ENTPD7: variants seen among roughly 807,000 people sequenced by gnomAD.
The protein encoded by ENTPD7 is NTPDase 7.
Under a neutral mutation model 77.9 loss-of-function variants are expected in ENTPD7, and 53 were observed. The ratio of observed to expected loss-of-function variants is 0.68; its 90% CI spans 0.55 to 0.85. ENTPD7 has a LOEUF of 0.85. Among genes scored for constraint, ENTPD7 ranks in the 40% least tolerant of loss-of-function variants. ENTPD7 has a pLI of 0.00. For synonymous variants in ENTPD7, 248 were observed against 274.9 expected, an observed-to-expected ratio of 0.90 and a Z score of 0.97; for missense variants, 636 against 743.7, an observed-to-expected ratio of 0.86 and a Z score of 1.68.
Position 99,679,873 on chromosome 10 carries a change from G to A in ENTPD7, c.546G>A (p.Glu182=). ...LCTAGMRLLP[E]RKQLAILADL... ...CAGCAGGCATGAGGCTTCTCCCTGA[G>A]AGGTGAGATGCAGGGTACAGGAAAC... is the stretch of plus-strand genomic sequence containing the variant. Residue 182 remains glutamate (E), a splice_region_variant and synonymous_variant, in exon 5 of 13, where the codon GAG becomes GAA. Transcript: ENST00000370489. 1 of 1,610,350 alleles carries A rather than the reference G, an allele frequency of 6.2e-7. No homozygotes were observed. Among genetic ancestry groups the A allele is most frequent in the Non-Finnish European group, 8.5e-7 (1 of 1,178,922 alleles).
Position 99,705,892 on chromosome 10 carries a change from C to G in ENTPD7, c.*1209C>G, listed in dbSNP as rs2036240539. On this transcript the variant is annotated 3_prime_UTR_variant, in exon 13 of 13. Coordinates refer to ENST00000370489, the MANE Select transcript of ENTPD7 (RefSeq NM_020354.5). ...TAATAATTACATCTTCACCCACTAC[C>G]CTTCCAGAGCTTTGCTTCTCCTCCA... The G allele has an allele frequency of 6.6e-6, 1 of 152,152 alleles. No individual in the cohort carries two copies. Among genetic ancestry groups the G allele is most frequent in the African/African-American group, 2.4e-5 (1 of 41,432 alleles). 9.4% of individuals were successfully genotyped at this position (152,152 alleles called of 1,614,324 possible).
At chr10:99,687,259 C>CTTTTTTTTTTTTTTTTTTTTTTTT (rs71009768) in intron 6 of ENTPD7, among the ~76,000 whole-genome samples, 2 of 29,522 alleles carry the variant, frequency 6.8e-5, no homozygotes, top group African/African-American at 1.4e-4. Context: ...TTCTTTCTTT[C>CTTTTTTTTTTTTTTTTTTTTTTTT]TTTTTTTTTT....
In ENTPD7 at chr10:99,704,546, G is replaced by A. The variant is rs371471210; in HGVS notation, c.1678G>A (p.Val560Met). ...CTATCTCTTCTTTGCCTGTATCCTG[G>A]TGGTGCTACTGGCCATCTTCCTATA... Reference protein sequence around the residue: ...NHYLFFACILVVLLAIFLYLL... With the variant: ...NHYLFFACILMVLLAIFLYLL... The change falls in exon 13 of 13, where the codon GTG (valine) becomes ATG (methionine). Residue 560 changes from valine to methionine, a missense_variant. This residue lies in a region of ENTPD7 where 138 missense variants were observed against 150.9 expected (regional missense o/e 0.91). Coordinates refer to ENST00000370489, the MANE Select transcript of ENTPD7 (RefSeq NM_020354.5). 4 of 1,614,030 alleles carry A rather than the reference G, an allele frequency of 2.5e-6. No individual in the cohort carries two copies. The highest frequency in any genetic ancestry group is 2.5e-6 in the Non-Finnish European group (3 of 1,180,028).
chr10:99,688,635 G>T (rs1347802590), intron 6 of ENTPD7, 59 bp from the exon 7 acceptor site: 4 of 1,528,146 alleles, frequency 2.6e-6, no homozygotes, highest in Non-Finnish European at 3.6e-6. Flanking sequence ...CTAAGGGAGA[G>T]GTGTATACAT....
intron 8 of ENTPD7, among the ~76,000 whole-genome samples, chr10:99,693,348 G>A (rs1424929343): frequency 1.3e-5 from 2 of 152,192 alleles, no homozygotes; most frequent in African/African-American, 4.8e-5. Context: ...CAGGACTGTT[G>A]GAAATGTGAG....
chr10:99,662,718 A>C lies in ENTPD7; in HGVS notation c.191+1090A>C, dbSNP rs75240139. On this transcript the variant is annotated intron_variant, in intron 3 of 12. Transcript: ENST00000370489. ...TTCGTTGGTATTCATTGATTTATTGAGGGAATTTGCAGACAGAAGCGTGGC... is the reference window on the plus strand; with the variant it reads ...TTCGTTGGTATTCATTGATTTATTGCGGGAATTTGCAGACAGAAGCGTGGC... Among the ~76,000 whole-genome samples the C allele has an allele frequency of 8.1e-3, 1,233 of 152,324 alleles. 18 individuals carry two copies. Among genetic ancestry groups the C allele is most frequent in the African/African-American group, 0.028 (1,175 of 41,572 alleles).
intron 8 of ENTPD7, among the ~76,000 whole-genome samples, chr10:99,695,494 C>G (rs953152375): frequency 6.6e-6 from 1 of 151,112 alleles, no homozygotes; most frequent in African/African-American, 2.4e-5. Context: ...TGCACTCCAG[C>G]CTGGTGACAC....
chr10:99,682,411 A>G (rs2035765052), intron 5 of ENTPD7, among the ~76,000 whole-genome samples: 2 of 152,308 alleles, frequency 1.3e-5, no homozygotes, highest in Middle Eastern at 3.4e-3. Context: ...GAAGCAGATT[A>G]TTTATATAGC....
intron 3 of ENTPD7, among the ~76,000 whole-genome samples, chr10:99,676,110 G>A (rs768807894): frequency 2.0e-5 from 3 of 151,946 alleles, no homozygotes; most frequent in East Asian, 3.9e-4. Context: ...GATTGAATAC[G>A]GAAGTAAATG....
chr10:99,665,521 ATCATTCAT>A (rs374845727), intron 3 of ENTPD7, among the ~76,000 whole-genome samples: 1 of 152,032 alleles, frequency 6.6e-6, no homozygotes, highest in Non-Finnish European at 1.5e-5. Context: ...TCATTCATTC[ATCATTCAT>A]TCATTCATTC....
At chr10:99,661,122 T>G (rs2035479778) in intron 2 of ENTPD7, among the ~76,000 whole-genome samples, 1 of 152,210 alleles carries the variant, frequency 6.6e-6, no homozygotes, top group South Asian at 2.1e-4. Context: ...TTGACAGAAT[T>G]CTTGGTTGGG....
In ENTPD7 at chr10:99,708,829, C is replaced by T. The variant is rs890602158; in HGVS notation, c.*4146C>T. The T allele has an allele frequency of 1.0e-6, 1 of 985,314 alleles. No homozygotes were observed. The highest frequency in any genetic ancestry group is 6.1e-5 in the Admixed American group (1 of 16,264). The allele number at this position is 985,314 out of a possible 1,614,324, so 61.0% of individuals were successfully genotyped here. On this transcript the variant is annotated 3_prime_UTR_variant, in exon 13 of 13. Coordinates refer to ENST00000370489, the MANE Select transcript of ENTPD7 (RefSeq NM_020354.5). ...CATAGTGACTGGCCTCCTAGCCCAA[C>T]TACTTTGTCAGCTACAATGAAATGC...
intron 12 of ENTPD7, among the ~76,000 whole-genome samples, chr10:99,702,919 C>T (rs1450017173): frequency 6.6e-6 from 1 of 152,128 alleles, no homozygotes; most frequent in Non-Finnish European, 1.5e-5. Flanking sequence ...TTTCAGAAAT[C>T]CAGCTTTATT....
Position 99,698,670 on chromosome 10 carries a change from G to GAGCCCCCT in ENTPD7, c.1147_1148insAGCCCCCT (p.Gly383GlufsTer7). ...AGGAAGAGGAGACTGGGTGTCTTGT[G>GAGCCCCCT]GGGCAATGCTGAGCCCCCTGCTGGC... On this transcript the variant is annotated frameshift_variant, in exon 10 of 13. Transcript: ENST00000370489. LOFTEE classifies it high-confidence loss of function. 6.2e-7 allele frequency: 1 copy of GAGCCCCCT among 1,614,192 alleles called. No homozygotes were observed. The highest frequency in any genetic ancestry group is 1.7e-5 in the Admixed American group (1 of 60,026).
Position 99,710,747 on chromosome 10 carries a change from T to C in ENTPD7, c.*6064T>C. 1.0e-6 allele frequency: 1 copy of C among 985,390 alleles called. No homozygotes were observed. The highest frequency in any genetic ancestry group is 1.2e-6 in the Non-Finnish European group (1 of 829,908). The allele number at this position is 985,390 out of a possible 1,614,324, so 61.0% of individuals were successfully genotyped here. Reference sequence around the variant, plus strand: ...AGATAAACTGGTTATCCTAAAATCATGATTATCAGTGTTGATCTCTGCAAC... The same window carrying C: ...AGATAAACTGGTTATCCTAAAATCACGATTATCAGTGTTGATCTCTGCAAC... On this transcript the variant is annotated 3_prime_UTR_variant, in exon 13 of 13. Coordinates refer to ENST00000370489, the MANE Select transcript of ENTPD7 (RefSeq NM_020354.5).
rs78870710 is a variant in ENTPD7 at position 99,686,579 on chromosome 10, T to G, written c.652+684T>G. ...AATTTCTATTTTGATCTTCTTAATA[T>G]TCTATTTCTTTTCTTTTCTGTTTCT... On this transcript the variant is annotated intron_variant, in intron 6 of 12. Coordinates refer to ENST00000370489, the MANE Select transcript of ENTPD7 (RefSeq NM_020354.5). Among the ~76,000 whole-genome samples the G allele has an allele frequency of 8.3e-4, 127 of 152,272 alleles. 1 individual carries two copies. In the East Asian group the frequency reaches 0.018, roughly 22 times the overall value.
chr10:99,698,849 G>A lies in ENTPD7; in HGVS notation c.1326G>A (p.Lys442=). 6.3e-7 allele frequency: 1 copy of A among 1,595,740 alleles called. No individual in the cohort carries two copies. Among genetic ancestry groups the A allele is most frequent in the South Asian group, 1.1e-5 (1 of 88,446 alleles). ...GCTACCATGGGCCAACATTTGCCAA[G>A]GCTGCTCAGGTAAATTATTAATGAT... ...GGRYHGPTFA[K]AAQDYCGMAW... is the part of the protein sequence containing the mutation. Residue 442 remains lysine (K), a synonymous_variant, in exon 10 of 13, where the codon AAG becomes AAA. Transcript: ENST00000370489.
intron 8 of ENTPD7, among the ~76,000 whole-genome samples, chr10:99,692,269 A>G (rs1311764107): frequency 2.6e-5 from 4 of 152,224 alleles, no homozygotes; most frequent in Admixed American, 2.6e-4. Context: ...GGGTTATCCC[A>G]TGCATCATAT....
chr10:99,681,424 A>G (rs1246257276), intron 5 of ENTPD7, among the ~76,000 whole-genome samples: 2 of 151,978 alleles, frequency 1.3e-5, no homozygotes, highest in Admixed American at 6.6e-5. Flanking sequence ...GACCACAGGC[A>G]TGTGCCACCA....
Sources: gnomAD v4.1 joint callset for allele counts (sites outside exome capture counted in the v4.1 genomes callset) on GRCh38, gnomAD v4.1.1 for gene constraint, gnomAD v4.1.1 regional missense constraint, MANE v1.5 for transcripts, NCBI Gene and HGNC (gene_info 2026-07-23, HGNC 2026-07-21) for gene names.